Variants in FAM193A observed in about 807,000 individuals in gnomAD.
FAM193A encodes the protein family with sequence similarity 193 member A.
A neutral mutation model predicts 126.5 loss-of-function variants in FAM193A; 22 were observed. The ratio of observed to expected loss-of-function variants is 0.17; its 90% CI spans 0.12 to 0.25. The LOEUF (loss-of-function observed/expected upper bound fraction) is 0.25. Among genes scored for constraint, FAM193A ranks in the 10% least tolerant of loss-of-function variants. The pLI is 1.00. For synonymous variants in FAM193A, 761 were observed against 646.8 expected (o/e 1.18, Z -2.68); for missense variants, 1,675 against 1,672.8 (o/e 1.00, Z -0.02).
At chr4:2,592,615 C>T (rs1454798315) in intron 1 of FAM193A, among the ~76,000 whole-genome samples, 1 of 152,192 alleles carries the variant, frequency 6.6e-6, no homozygotes, top group Non-Finnish European at 1.5e-5. Context: ...GGCTTCCTGC[C>T]TGGAGAGAGT....
Position 2,699,910 on chromosome 4 carries a change from C to G in FAM193A, c.3738C>G (p.Phe1246Leu), listed in dbSNP as rs1342932375. Residue 1246 changes from phenylalanine to leucine, a missense_variant, in exon 19 of 21, where the codon TTC (phenylalanine) becomes TTG (leucine). Around this residue, in one of 4 missense-constraint regions of FAM193A, gnomAD observed 415 missense variants for 396.7 expected, o/e 1.05. Coordinates refer to ENST00000637812, the MANE Select transcript of FAM193A (RefSeq NM_001366318.2). Reference sequence around the variant, plus strand: ...AGTTGGACATGCTCACTAGAAATTTCCAGGCAGCAACAGAGTCTGTTCCTA... The same window carrying G: ...AGTTGGACATGCTCACTAGAAATTTGCAGGCAGCAACAGAGTCTGTTCCTA... ...CPKLDMLTRN[F>L]QAATESVPNS... 1.2e-6 allele frequency: 2 copies of G among 1,613,946 alleles called. No individual in the cohort carries two copies. Among genetic ancestry groups the G allele is most frequent in the Non-Finnish European group, 1.7e-6 (2 of 1,180,012 alleles).
chr4:2,617,252 A>T (rs1742254175), intron 2 of FAM193A, among the ~76,000 whole-genome samples: 2 of 42,016 alleles, frequency 4.8e-5, no homozygotes, highest in Non-Finnish European at 8.6e-5. Flanking sequence ...ATATATATAT[A>T]TATATATATA....
At chr4:2,601,908 G>T (rs1302189265) in intron 2 of FAM193A, among the ~76,000 whole-genome samples, 1 of 151,902 alleles carries the variant, frequency 6.6e-6, no homozygotes, top group Non-Finnish European at 1.5e-5. Flanking sequence ...GCGTGATCTT[G>T]GCTCACTGTA....
chr4:2,537,888 A>G (rs1736985285), intron 1 of FAM193A, among the ~76,000 whole-genome samples: 1 of 152,038 alleles, frequency 6.6e-6, no homozygotes, highest in Non-Finnish European at 1.5e-5. Flanking sequence ...TTGAAAGGTG[A>G]TTTTTTTCAG....
At chr4:2,726,304 G>A (rs1012406448) in intron 20 of FAM193A, among the ~76,000 whole-genome samples, 5 of 152,082 alleles carry the variant, frequency 3.3e-5, no homozygotes, top group South Asian at 2.1e-4. Context: ...CCTTCCAAAC[G>A]TTGGGATTAG....
Position 2,631,054 on chromosome 4 carries a change from C to T in FAM193A, c.923C>T (p.Ala308Val). 1 of 1,613,536 alleles carries T rather than the reference C, an allele frequency of 6.2e-7. No individual in the cohort carries two copies. The highest frequency in any genetic ancestry group is 8.5e-7 in the Non-Finnish European group (1 of 1,180,018). ...RQLSAAAKVK[A>V]PSGLQGPPQA... is the part of the protein sequence containing the mutation. ...CTGTCGGCTGCGGCCAAGGTGAAGG[C>T]ACCATCTGGCCTGCAGGGCCCGCCG... is the stretch of plus-strand genomic sequence containing the variant. The change falls in exon 5 of 21, where the codon GCA becomes GTA. Residue 308 changes from alanine to valine, a missense_variant. Physicochemically the swap from Ala to Val is moderately conservative, Grantham distance 64. Transcript: ENST00000637812.
intron 1 of FAM193A, among the ~76,000 whole-genome samples, chr4:2,538,743 C>T (rs1158682650): frequency 6.6e-6 from 1 of 151,920 alleles, no homozygotes; most frequent in South Asian, 2.1e-4. Context: ...TTTGGTGTAG[C>T]TGGATGTGGA....
At position 2,732,002 on chromosome 4, in the gene FAM193A, C is replaced by T. The variant is rs1356303188; in HGVS notation, c.*134C>T. 2 of 732,588 alleles carry T rather than the reference C, an allele frequency of 2.7e-6. No homozygotes were observed. The highest frequency in any genetic ancestry group is 4.8e-6 in the Non-Finnish European group (2 of 413,810). The allele number at this position is 732,588 out of a possible 1,614,324, so 45.4% of individuals were successfully genotyped here. On this transcript the variant is annotated 3_prime_UTR_variant, in exon 21 of 21. Coordinates refer to ENST00000637812, the MANE Select transcript of FAM193A (RefSeq NM_001366318.2). ...GCGGAGCTGGTGCTGCCTGAAACCC[C>T]AGACCGAGAAGTTGATGCTCGGCCC...
Position 2,700,186 on chromosome 4 carries a change from G to C in FAM193A, c.4014G>C (p.Gln1338His). The C allele has an allele frequency of 3.1e-6, 5 of 1,613,770 alleles. No individual in the cohort carries two copies. Among genetic ancestry groups the C allele is most frequent in the Non-Finnish European group, 4.2e-6 (5 of 1,179,994 alleles). ...ACCATAAAGAAGGAAATGGCAAGCAGAAGCTGAGGCAGACCAGCAAGGCCA... is the reference window on the plus strand; with the variant it reads ...ACCATAAAGAAGGAAATGGCAAGCACAAGCTGAGGCAGACCAGCAAGGCCA... ...MQHHKEGNGK[Q>H]KLRQTSKASS... is the part of the protein sequence containing the mutation. Residue 1338 changes from glutamine (Q) to histidine (H), a missense_variant, in exon 19 of 21, where the codon CAG becomes CAC. Physicochemically the swap from Gln to His is conservative, Grantham distance 24. This residue lies in a region of FAM193A where 415 missense variants were observed against 396.7 expected (regional missense o/e 1.05). Coordinates refer to ENST00000637812, the MANE Select transcript of FAM193A (RefSeq NM_001366318.2).
intron 13 of FAM193A, among the ~76,000 whole-genome samples, chr4:2,686,270 A>G (rs1194664795): frequency 1.3e-5 from 2 of 152,194 alleles, no homozygotes; most frequent in African/African-American, 2.4e-5. Context: ...GCGTAGAATC[A>G]TTGCCGTATG....
intron 19 of FAM193A, among the ~76,000 whole-genome samples, chr4:2,704,574 TAAAA>T (rs930968855): frequency 3.3e-5 from 5 of 151,778 alleles, no homozygotes; most frequent in Admixed American, 2.6e-4. Flanking sequence ...GAAAAAAAAA[TAAAA>T]TAAAAATTTT....
At chr4:2,591,484 C>T (rs1740570169) in intron 1 of FAM193A, among the ~76,000 whole-genome samples, 1 of 152,086 alleles carries the variant, frequency 6.6e-6, no homozygotes, top group Non-Finnish European at 1.5e-5. Flanking sequence ...GCCCTGAAGG[C>T]CGGTCGGCAG....
intron 1 of FAM193A, among the ~76,000 whole-genome samples, chr4:2,542,651 C>A (rs181516554): frequency 3.9e-5 from 6 of 152,248 alleles, no homozygotes; most frequent in Non-Finnish European, 8.8e-5. Context: ...TGCAAAATGG[C>A]ACCCAAAACA....
At chr4:2,597,137 G>C (rs1740908386) in intron 2 of FAM193A, among the ~76,000 whole-genome samples, 1 of 151,978 alleles carries the variant, frequency 6.6e-6, no homozygotes, top group South Asian at 2.1e-4. Context: ...CATCTCCAGG[G>C]CCAGTTTCTA....
At chr4:2,685,752 A>G (rs1715663352) in intron 13 of FAM193A, among the ~76,000 whole-genome samples, 2 of 152,142 alleles carry the variant, frequency 1.3e-5, no homozygotes, top group Admixed American at 6.5e-5. Context: ...CCCATGTTCC[A>G]TGTCCGAGTG....
Position 2,678,360 on chromosome 4 carries a change from G to GTTT in FAM193A, c.2331+6006_2331+6008dup, listed in dbSNP as rs201173761. Reference sequence around the variant, plus strand: ...TTGGTGTTTTGTTTTGGTTTTGGTGGTTTTTTTTTTTTTTTTTTTTGAGAC... The same window carrying GTTT: ...TTGGTGTTTTGTTTTGGTTTTGGTGGTTTTTTTTTTTTTTTTTTTTTTTGAGAC... On this transcript the variant is annotated intron_variant, in intron 13 of 20. Coordinates refer to ENST00000637812, the MANE Select transcript of FAM193A (RefSeq NM_001366318.2). 9.7e-4 allele frequency among the ~76,000 whole-genome samples: 116 copies of GTTT among 120,142 alleles called. 1 individual carries two copies. The highest frequency in any genetic ancestry group is 3.0e-3 in the African/African-American group (94 of 31,040). The allele number at this position is 120,142 out of a possible 152,430, so 78.8% of individuals were successfully genotyped here.
intron 2 of FAM193A, among the ~76,000 whole-genome samples, chr4:2,602,550 AC>A (rs1741262157): frequency 1.3e-5 from 2 of 151,638 alleles, no homozygotes; most frequent in Admixed American, 6.6e-5. Flanking sequence ...ATGGGGTTTC[AC>A]CATGTTGGCC....
chr4:2,555,668 A>G (rs1281544618), intron 1 of FAM193A, among the ~76,000 whole-genome samples: 2 of 152,138 alleles, frequency 1.3e-5, no homozygotes, highest in African/African-American at 4.8e-5. Flanking sequence ...CTCAGGCTGG[A>G]GTGCAGTGGC....
chr4:2,692,529 CAGAG>C (rs774648200), intron 15 of FAM193A, among the ~76,000 whole-genome samples: 1 of 152,206 alleles, frequency 6.6e-6, no homozygotes, highest in East Asian at 1.9e-4. Flanking sequence ...CACCATGAAA[CAGAG>C]AGACACTGGG....
Sources: allele counts gnomAD v4.1 joint callset (sites outside exome capture counted in the v4.1 genomes callset), GRCh38; gene constraint gnomAD v4.1.1; regional missense constraint gnomAD v4.1.1; transcripts MANE v1.5; gene names NCBI Gene and HGNC (gene_info 2026-07-23, HGNC 2026-07-21).